Variants in ROCK2 observed in about 807,000 individuals in gnomAD.
ROCK2 encodes rho-associated protein kinase 2.
In ROCK2, 61 loss-of-function variants were observed where a neutral mutation model predicts 195.1. The observed-to-expected ratio is 0.31, with a 90% CI of 0.25 to 0.39. ROCK2 has a LOEUF of 0.39. Among genes scored for constraint, ROCK2 ranks in the 10% least tolerant of loss-of-function variants. ROCK2 has a pLI of 1.00. For synonymous variants in ROCK2, 504 were observed against 545.5 expected (o/e 0.92, Z 1.06); for missense variants, 1,109 against 1,637.4 (o/e 0.68, Z 5.57).
At chr2:11,292,473 A>G (rs1439054776) in intron 1 of ROCK2, among the ~76,000 whole-genome samples, 1 of 152,248 alleles carries the variant, frequency 6.6e-6, no homozygotes, top group Non-Finnish European at 1.5e-5. Context: ...AATAGCTTAT[A>G]TGTAACAGAA....
chr2:11,220,163 A>T (rs2148074040), intron 9 of ROCK2, among the ~76,000 whole-genome samples: 1 of 152,256 alleles, frequency 6.6e-6, no homozygotes, highest in Admixed American at 6.5e-5. Context: ...GATTACAGGC[A>T]TGTGCCACCA....
intron 4 of ROCK2, among the ~76,000 whole-genome samples, chr2:11,244,993 A>C (rs1218976327): frequency 6.6e-6 from 1 of 151,952 alleles, no homozygotes; most frequent in East Asian, 1.9e-4. Context: ...TTATGCACAT[A>C]GATGCAAAAC....
chr2:11,251,051 A>C (rs1313860888), intron 3 of ROCK2, among the ~76,000 whole-genome samples: 1 of 152,142 alleles, frequency 6.6e-6, no homozygotes, highest in African/African-American at 2.4e-5. Flanking sequence ...AATCTACTTA[A>C]ACTTTCAGCT....
chr2:11,184,110 C>T (rs529236603), intron 32 of ROCK2, among the ~76,000 whole-genome samples: 2 of 152,268 alleles, frequency 1.3e-5, no homozygotes, highest in African/African-American at 2.4e-5. Context: ...ATTCTCACAG[C>T]GTATCACTGA....
intron 3 of ROCK2, among the ~76,000 whole-genome samples, chr2:11,283,545 G>A (rs1667085106): frequency 7.9e-6 from 1 of 126,982 alleles, no homozygotes; most frequent in South Asian, 2.6e-4. Flanking sequence ...TCCGGCCTGG[G>A]CGACAGAGCG....
chr2:11,220,694 A>G (rs901368640), intron 9 of ROCK2, among the ~76,000 whole-genome samples: 2 of 151,990 alleles, frequency 1.3e-5, no homozygotes, highest in African/African-American at 4.8e-5. Flanking sequence ...CCACTATTCA[A>G]CACCTCACAA....
chr2:11,201,427 T>A lies in ROCK2; in HGVS notation c.2620-14A>T. 2 of 1,343,072 alleles carry A rather than the reference T, an allele frequency of 1.5e-6. No homozygotes were observed. 83.2% of individuals were successfully genotyped at this position (1,343,072 alleles called of 1,614,324 possible). On this transcript the variant is annotated splice_polypyrimidine_tract_variant and intron_variant, in intron 21 of 32. Coordinates refer to ENST00000315872, the MANE Select transcript of ROCK2 (RefSeq NM_004850.5). This position sits in a 1 kb window ranked among gnomAD's most constrained non-coding sequence, Gnocchi z 4.6. ...TTTATAAAGGGTCTAAATAGCAAAA[T>A]ACAACAGAAATGCGTATCATCATCA...
chr2:11,225,752 A>G (rs1664789276), intron 6 of ROCK2, among the ~76,000 whole-genome samples: 1 of 152,234 alleles, frequency 6.6e-6, no homozygotes. Flanking sequence ...CTCTATTTTC[A>G]AAAGATTACA....
intron 3 of ROCK2, among the ~76,000 whole-genome samples, chr2:11,270,673 T>A (rs1666595646): frequency 6.6e-6 from 1 of 152,212 alleles, no homozygotes; most frequent in South Asian, 2.1e-4. Flanking sequence ...CTGTTAAAAG[T>A]GTTTTTGATC....
At chr2:11,298,315 C>T (rs1667598452) in intron 1 of ROCK2, among the ~76,000 whole-genome samples, 1 of 151,606 alleles carries the variant, frequency 6.6e-6, no homozygotes, top group Non-Finnish European at 1.5e-5. Flanking sequence ...ACTAAAAATA[C>T]AAAAATTAGC....
intron 1 of ROCK2, among the ~76,000 whole-genome samples, chr2:11,290,048 G>A (rs1455226892): frequency 6.6e-6 from 1 of 151,948 alleles, no homozygotes; most frequent in East Asian, 1.9e-4. Flanking sequence ...ATTCTTACTT[G>A]AGGCCTTTAC....
chr2:11,317,113 G>A (rs1441122275), intron 1 of ROCK2, among the ~76,000 whole-genome samples: 1 of 152,024 alleles, frequency 6.6e-6, no homozygotes, highest in Non-Finnish European at 1.5e-5. Flanking sequence ...ACAGATTCAG[G>A]AAAGCTTAAC....
chr2:11,345,353 G>T (rs1350173304), upstream of ROCK2, among the ~76,000 whole-genome samples: 3 of 152,178 alleles, frequency 2.0e-5, no homozygotes, highest in African/African-American at 7.2e-5. Flanking sequence ...TTTGGGGGGC[G>T]GAAGAGGGGT....
At chr2:11,200,515 A>G (rs993429351) in intron 23 of ROCK2, among the ~76,000 whole-genome samples, 5 of 152,140 alleles carry the variant, frequency 3.3e-5, no homozygotes, top group African/African-American at 1.2e-4. Context: ...TTTCATTTCC[A>G]CTGAACAGGA....
intron 1 of ROCK2, among the ~76,000 whole-genome samples, chr2:11,330,409 T>A (rs1484431161): frequency 1.3e-5 from 2 of 152,144 alleles, no homozygotes; most frequent in Non-Finnish European, 2.9e-5. Context: ...ACAACAAAGT[T>A]ATCTGAAAAA....
At chr2:11,193,906 T>A in intron 29 of ROCK2, 49 bp from the exon 30 acceptor site, 1 of 1,019,852 alleles carries the variant, frequency 9.8e-7, no homozygotes, top group Non-Finnish European at 1.5e-6. Context: ...AAGGATCAAA[T>A]TATATATTAA....
intron 1 of ROCK2, among the ~76,000 whole-genome samples, chr2:11,336,075 T>A (rs1047610480): frequency 4.6e-5 from 7 of 152,248 alleles, no homozygotes; most frequent in Admixed American, 2.0e-4. Flanking sequence ...AGATTGTAGA[T>A]AAGTGCTATT....
intron 1 of ROCK2, among the ~76,000 whole-genome samples, chr2:11,312,675 A>G (rs1572395079): frequency 1.3e-5 from 2 of 152,112 alleles, no homozygotes; most frequent in African/African-American, 4.8e-5. Flanking sequence ...TTTTGTCCCT[A>G]AAACCTGTAT....
In ROCK2 at chr2:11,294,186, A is replaced by AAG. The variant is rs541659940; in HGVS notation, c.142-6452_142-6451dup. ...AAAAAATTTAAAAAAAAGTAAGACA[A>AAG]AGAGAGAGAGAAAGAAAAGAAAGGA... On this transcript the variant is annotated intron_variant, in intron 1 of 32. Coordinates refer to ENST00000315872, the MANE Select transcript of ROCK2 (RefSeq NM_004850.5). 1.4e-4 allele frequency among the ~76,000 whole-genome samples: 22 copies of AAG among 152,210 alleles called. No individual in the cohort carries two copies. The South Asian group carries it at 3.7e-3, about 26-fold the overall frequency.
Sources: gnomAD v4.1 joint callset for allele counts (sites outside exome capture counted in the v4.1 genomes callset) on GRCh38, gnomAD v4.1.1 for gene constraint, Gnocchi (gnomAD v3.1) non-coding constraint, MANE v1.5 for transcripts, NCBI Gene and HGNC (gene_info 2026-07-23, HGNC 2026-07-21) for gene names.